Variants in NDUFAF5 observed in about 807,000 individuals in gnomAD.
NDUFAF5 encodes the protein arginine-hydroxylase NDUFAF5, mitochondrial.
A neutral mutation model predicts 48.9 loss-of-function variants in NDUFAF5; 34 were observed. The ratio of observed to expected loss-of-function variants is 0.70; its 90% confidence interval spans 0.53 to 0.93. The LOEUF is 0.93. Ranked by LOEUF, NDUFAF5 falls within the 40% of genes least tolerant of loss-of-function variation. The pLI is 0.00. For synonymous variants in NDUFAF5, 153 were observed against 150.6 expected (o/e 1.02, Z -0.12); for missense variants, 428 against 427.5 (o/e 1.00, Z -0.01).
chr20:13,794,341 G>A (rs578125176), intron 4 of NDUFAF5, among the ~76,000 whole-genome samples: 55 of 151,700 alleles, frequency 3.6e-4, no homozygotes, highest in Non-Finnish European at 4.0e-4. Flanking sequence ...GTGCAGTGGT[G>A]CGATCTCAGC....
intron 2 of NDUFAF5, among the ~76,000 whole-genome samples, chr20:13,788,331 A>G (rs1209650670): frequency 6.6e-6 from 1 of 152,124 alleles, no homozygotes; most frequent in East Asian, 1.9e-4. Context: ...TCCTCATTAA[A>G]TCTGTTCTTC....
intron 8 of NDUFAF5, among the ~76,000 whole-genome samples, chr20:13,813,466 C>G (rs1435228800): frequency 6.6e-6 from 1 of 152,154 alleles, no homozygotes; most frequent in East Asian, 1.9e-4. Flanking sequence ...TATACCTTCA[C>G]TTAGCGTTTA....
chr20:13,807,948 TA>T (rs11349642), intron 7 of NDUFAF5, among the ~76,000 whole-genome samples: 107,631 of 148,040 alleles, frequency 0.73, 39,441 homozygotes, highest in African/African-American at 0.85. Flanking sequence ...GAATCCGTCT[TA>T]AAAAAAAAAA....
At chr20:13,812,367 C>A (rs1351319643) in intron 8 of NDUFAF5, among the ~76,000 whole-genome samples, 1 of 152,190 alleles carries the variant, frequency 6.6e-6, no homozygotes. Context: ...CCCCAGCATA[C>A]CCCAAGGACT....
intron 7 of NDUFAF5, 183 bp downstream of exon 7, chr20:13,801,866 GAC>G (rs1184188688): frequency 5.2e-6 from 3 of 581,222 alleles, no homozygotes; most frequent in Non-Finnish European, 9.1e-6. Context: ...CATCTTAATT[GAC>G]ACAAGGTAGG....
intron 8 of NDUFAF5, among the ~76,000 whole-genome samples, chr20:13,815,498 C>T (rs1045545160): frequency 1.3e-5 from 2 of 152,102 alleles, no homozygotes; most frequent in African/African-American, 4.8e-5. Context: ...TAGTAGAAAT[C>T]TTTTGAGATT....
chr20:13,790,092 T>C (rs8118611), intron 3 of NDUFAF5, among the ~76,000 whole-genome samples: 2,572 of 152,078 alleles, frequency 0.017, 75 homozygotes, highest in African/African-American at 0.055. Flanking sequence ...GGGTGTGATA[T>C]AGTGATGTTT....
Position 13,817,777 on chromosome 20 carries a change from G to C in NDUFAF5, c.*567G>C, listed in dbSNP as rs1394373448. On this transcript the variant is annotated 3_prime_UTR_variant, in exon 11 of 11. Transcript: ENST00000378106. ...GAAAACATTTTAAAGAATACCAGAA[G>C]TAGAATCACATGTAACAGTCTCTGC... 2.2e-6 allele frequency: 1 copy of C among 453,972 alleles called. No individual in the cohort carries two copies. The highest frequency in any genetic ancestry group is 1.6e-5 in the South Asian group (1 of 64,472). 28.1% of individuals were successfully genotyped at this position (453,972 alleles called of 1,614,324 possible).
chr20:13,797,041 A>G (rs751352711), intron 5 of NDUFAF5, among the ~76,000 whole-genome samples: 1 of 152,208 alleles, frequency 6.6e-6, no homozygotes, highest in Non-Finnish European at 1.5e-5. Flanking sequence ...GTTTGTTTTT[A>G]TCACCTTAAA....
chr20:13,815,664 AAG>A (rs901571126), intron 8 of NDUFAF5, among the ~76,000 whole-genome samples: 1 of 152,260 alleles, frequency 6.6e-6, no homozygotes. Context: ...AAACAAAACT[AAG>A]AAACATTTGA....
intron 7 of NDUFAF5, 173 bp downstream of exon 7, chr20:13,801,856 C>G: frequency 1.7e-6 from 1 of 600,456 alleles, no homozygotes; most frequent in South Asian, 2.1e-5. Flanking sequence ...TTGTATAACA[C>G]ATCTTAATTG....
chr20:13,796,411 C>T (rs1222733014), intron 5 of NDUFAF5, among the ~76,000 whole-genome samples: 1 of 152,134 alleles, frequency 6.6e-6, no homozygotes, highest in East Asian at 1.9e-4. Context: ...TTGCAGGTGA[C>T]TAATTCTGTT....
At chr20:13,804,212 C>T (rs528729173) in intron 7 of NDUFAF5, among the ~76,000 whole-genome samples, 18 of 152,302 alleles carry the variant, frequency 1.2e-4, no homozygotes, top group Admixed American at 4.6e-4. Context: ...TTTCTTGTTA[C>T]ACCATGTGTC....
At chr20:13,801,970 A>G (rs1391356226) in intron 7 of NDUFAF5, 1 of 341,352 alleles carries the variant, frequency 2.9e-6, no homozygotes, top group Non-Finnish European at 5.4e-6. Flanking sequence ...ACTCCATTAG[A>G]ATCTTCAAAT....
intron 3 of NDUFAF5, among the ~76,000 whole-genome samples, chr20:13,792,874 C>T (rs965499580): frequency 3.3e-5 from 5 of 152,142 alleles, no homozygotes; most frequent in Non-Finnish European, 7.4e-5. Flanking sequence ...TCCTTTGTGA[C>T]ACAGGAGTGG....
At chr20:13,807,641 A>G (rs1486689029) in intron 7 of NDUFAF5, among the ~76,000 whole-genome samples, 1 of 151,868 alleles carries the variant, frequency 6.6e-6, no homozygotes, top group Non-Finnish European at 1.5e-5. Flanking sequence ...TGATGTTTAG[A>G]TTTATTTTAG....
intron 7 of NDUFAF5, among the ~76,000 whole-genome samples, chr20:13,803,657 C>A (rs1351513026): frequency 6.6e-6 from 1 of 152,198 alleles, no homozygotes; most frequent in African/African-American, 2.4e-5. Context: ...GAATTAACAT[C>A]TGTCAGTATT....
chr20:13,814,703 C>A (rs745626263), intron 8 of NDUFAF5, among the ~76,000 whole-genome samples: 2 of 152,166 alleles, frequency 1.3e-5, no homozygotes, highest in Non-Finnish European at 2.9e-5. Flanking sequence ...CCCAAAGTTT[C>A]AGTTTTTCCC....
Position 13,801,739 on chromosome 20 carries a change from A to G in NDUFAF5, c.717+56A>G, listed in dbSNP as rs1168662130. 2.3e-5 allele frequency: 33 copies of G among 1,447,758 alleles called. 1 individual carries two copies. The South Asian group carries it at 3.1e-4, about 14-fold the overall frequency. The allele number at this position is 1,447,758 out of a possible 1,614,324, so 89.7% of individuals were successfully genotyped here. ...TACACAGTTCAAAAAAGAACTTCTT[A>G]TCATTTTAAAGATAGAAAACTGTAT... On this transcript the variant is annotated intron_variant, in intron 7 of 10. Coordinates refer to ENST00000378106, the MANE Select transcript of NDUFAF5 (RefSeq NM_024120.5).
Sources: gnomAD v4.1 joint callset for allele counts (sites outside exome capture counted in the v4.1 genomes callset) on GRCh38, gnomAD v4.1.1 for gene constraint, MANE v1.5 for transcripts, NCBI Gene and HGNC (gene_info 2026-07-23, HGNC 2026-07-21) for gene names.